Variants in EML5 observed in about 807,000 individuals in gnomAD.
EML5 encodes EMAP like 5.
In EML5, 120 loss-of-function variants were observed where a neutral mutation model predicts 250.0. The ratio of observed to expected loss-of-function variants is 0.48; its 90% CI spans 0.41 to 0.56. The LOEUF (loss-of-function observed/expected upper bound fraction) is 0.56. Ranked by LOEUF, EML5 falls within the 20% of genes least tolerant of loss-of-function variation. EML5 has a pLI of 0.00. For missense variants in EML5, 2,006 were observed against 2,437.6 expected (o/e 0.82, Z 3.73); for synonymous variants, 771 against 806.5 (o/e 0.96, Z 0.75).
At chr14:88,737,624 A>T (rs1045109102) in intron 6 of EML5, among the ~76,000 whole-genome samples, 2 of 152,228 alleles carry the variant, frequency 1.3e-5, no homozygotes, top group African/African-American at 4.8e-5. Flanking sequence ...TACCTTTTAT[A>T]TCTTAGATGT....
At chr14:88,768,956 T>G (rs952459810) in intron 1 of EML5, among the ~76,000 whole-genome samples, 1 of 152,164 alleles carries the variant, frequency 6.6e-6, no homozygotes, top group African/African-American at 2.4e-5. Flanking sequence ...TAACACTAAA[T>G]CAGCCATAGA....
At chr14:88,670,086 G>A (rs1434472586) in intron 21 of EML5, among the ~76,000 whole-genome samples, 1 of 151,896 alleles carries the variant, frequency 6.6e-6, no homozygotes, top group African/African-American at 2.4e-5. Context: ...GGAGGCCGAG[G>A]CAGGTGGATC....
In EML5 at chr14:88,752,194, C is replaced by A. The variant is rs10140896; in HGVS notation, c.357+2318G>T. 2.8e-3 allele frequency among the ~76,000 whole-genome samples: 428 copies of A among 152,044 alleles called. 3 individuals carry two copies. The highest frequency in any genetic ancestry group is 9.9e-3 in the African/African-American group (409 of 41,508). On this transcript the variant is annotated intron_variant, in intron 2 of 43. Coordinates refer to ENST00000554922, the MANE Select transcript of EML5 (RefSeq NM_183387.3). Reference sequence around the variant, plus strand: ...GTAAAAGCTATGGGCATGATTTCTCCTTGGATATATAGAAGAAATTCCTCA... The same window carrying A: ...GTAAAAGCTATGGGCATGATTTCTCATTGGATATATAGAAGAAATTCCTCA...
chr14:88,734,413 T>C (rs12888218), intron 7 of EML5, among the ~76,000 whole-genome samples: 96,902 of 151,648 alleles, frequency 0.64, 32,960 homozygotes, highest in East Asian at 0.94. Context: ...GCAATATTTC[T>C]TGAAAGGGGT....
chr14:88,781,435 A>T (rs1392886906), intron 1 of EML5, among the ~76,000 whole-genome samples: 1 of 152,324 alleles, frequency 6.6e-6, no homozygotes, highest in East Asian at 1.9e-4. Flanking sequence ...CCCACCTTGC[A>T]CACACCACAG....
chr14:88,699,919 T>C (rs2093168465), intron 14 of EML5, among the ~76,000 whole-genome samples: 2 of 152,130 alleles, frequency 1.3e-5, no homozygotes, highest in South Asian at 4.1e-4. Context: ...CCACAAGACA[T>C]CTAAATCAGT....
At chr14:88,658,120 C>G in intron 26 of EML5, 67 bp downstream of exon 26, 1 of 1,495,950 alleles carries the variant, frequency 6.7e-7, no homozygotes, top group Middle Eastern at 1.7e-4. Flanking sequence ...GCTTTAACTT[C>G]CACAGCTTAA....
chr14:88,678,366 G>T (rs774862548), intron 21 of EML5, among the ~76,000 whole-genome samples: 2 of 152,070 alleles, frequency 1.3e-5, no homozygotes, highest in Non-Finnish European at 2.9e-5. Context: ...GTTGACAGGT[G>T]CAACAAGCCA....
chr14:88,676,170 C>G (rs547133948), intron 21 of EML5, among the ~76,000 whole-genome samples: 6 of 152,328 alleles, frequency 3.9e-5, no homozygotes, highest in African/African-American at 1.4e-4. Flanking sequence ...TCAGCAGCAT[C>G]CCACTCTACT....
intron 1 of EML5, among the ~76,000 whole-genome samples, chr14:88,774,405 A>T (rs2094428130): frequency 6.6e-6 from 1 of 152,212 alleles, no homozygotes; most frequent in African/African-American, 2.4e-5. Flanking sequence ...ATAGTTATAC[A>T]TTGGAACGAA....
At chr14:88,658,784 T>G (rs967993744) in intron 25 of EML5, among the ~76,000 whole-genome samples, 19 of 151,808 alleles carry the variant, frequency 1.3e-4, no homozygotes, top group African/African-American at 4.4e-4. Context: ...TTAAATACCT[T>G]AAATGTTCAA....
intron 23 of EML5, 42 bp from the exon 24 acceptor site, chr14:88,663,161 A>T: frequency 7.8e-7 from 1 of 1,283,352 alleles, no homozygotes; most frequent in Non-Finnish European, 1.1e-6. Context: ...TATAAAATAC[A>T]TACAAATATA....
Position 88,687,420 on chromosome 14 carries a change from A to G in EML5, c.2743-93T>C, listed in dbSNP as rs894741832. On this transcript the variant is annotated intron_variant, in intron 18 of 43. Coordinates refer to ENST00000554922, the MANE Select transcript of EML5 (RefSeq NM_183387.3). ...TATATTGAAAACTTCTAGAAAAAAG[A>G]ACATAGTCAAAAGTTACAGCTTGTA... 4.6e-6 allele frequency: 4 copies of G among 861,288 alleles called. No individual in the cohort carries two copies. The African/African-American group carries it at 7.0e-5, about 15-fold the overall frequency. The allele number at this position is 861,288 out of a possible 1,614,324, so 53.4% of individuals were successfully genotyped here.
rs2091912235 is a variant in EML5 at position 88,657,404 on chromosome 14, G to A, written c.3976C>T (p.Gln1326Ter). 6.3e-7 allele frequency: 1 copy of A among 1,585,850 alleles called. No individual in the cohort carries two copies. Among genetic ancestry groups the A allele is most frequent in the African/African-American group, 1.3e-5 (1 of 74,664 alleles). The change falls in exon 27 of 44, where the codon CAA becomes TAA. Residue 1326 changes from glutamine (Q) to a stop codon, truncating the protein, a stop_gained. Coordinates refer to ENST00000554922, the MANE Select transcript of EML5 (RefSeq NM_183387.3). LOFTEE classifies it high-confidence loss of function. ...TCATCAATTGAGGGTTCTTTTTGTT[G>A]TAAATGAGGCTTGATTCCTAACATT... is the stretch of plus-strand genomic sequence containing the variant. ...RPMLGIKPHL[Q>*]QKEPSIDERQ... is the part of the protein sequence containing the mutation.
At chr14:88,785,567 A>G (rs2094543228) in intron 1 of EML5, among the ~76,000 whole-genome samples, 1 of 152,210 alleles carries the variant, frequency 6.6e-6, no homozygotes, top group Admixed American at 6.5e-5. Flanking sequence ...CTGTTTCCCA[A>G]TTCAGTAGCC....
chr14:88,718,213 A>T (rs1480109632), intron 8 of EML5, among the ~76,000 whole-genome samples: 1 of 152,218 alleles, frequency 6.6e-6, no homozygotes, highest in Non-Finnish European at 1.5e-5. Context: ...CCTTTGAGAC[A>T]TCCAAGTGAT....
intron 1 of EML5, among the ~76,000 whole-genome samples, chr14:88,784,365 T>G (rs2094529027): frequency 6.6e-6 from 1 of 151,828 alleles, no homozygotes; most frequent in Admixed American, 6.6e-5. Flanking sequence ...GTTGTTTTTT[T>G]TTAAAAAGTT....
intron 1 of EML5, among the ~76,000 whole-genome samples, chr14:88,768,660 C>T (rs2094351847): frequency 6.6e-6 from 1 of 152,158 alleles, no homozygotes; most frequent in Non-Finnish European, 1.5e-5. Flanking sequence ...GACCCACCCG[C>T]CTGGGCCTCC....
Position 88,642,922 on chromosome 14 carries a change from G to T in EML5, c.4208C>A (p.Ser1403Tyr). The T allele has an allele frequency of 6.2e-7, 1 of 1,606,332 alleles. No individual in the cohort carries two copies. The highest frequency in any genetic ancestry group is 8.5e-7 in the Non-Finnish European group (1 of 1,177,544). Residue 1403 changes from serine to tyrosine, a missense_variant, in exon 31 of 44, where the codon TCT becomes TAT. Around this residue, in one of 7 missense-constraint regions of EML5, gnomAD observed 1,375 missense variants for 1,590.3 expected, o/e 0.86. Transcript: ENST00000554922. The stretch of plus-strand genomic sequence containing the variant: ...AGCAACATTGTGCAGAATTCCAACA[G>T]ATGCAGTGTGATAAATTATATCATC... ...DGDDIIYHTA[S>Y]VGILHNVATG...
Sources: gnomAD v4.1 joint callset for allele counts (sites outside exome capture counted in the v4.1 genomes callset) on GRCh38, gnomAD v4.1.1 for gene constraint, gnomAD v4.1.1 regional missense constraint, MANE v1.5 for transcripts, NCBI Gene and HGNC (gene_info 2026-07-23, HGNC 2026-07-21) for gene names.